Variants in NOPCHAP1 observed in about 807,000 individuals in gnomAD.
The protein encoded by NOPCHAP1 is NOP protein chaperone 1.
A neutral mutation model predicts 14.0 loss-of-function variants in NOPCHAP1; 13 were observed. That is an observed-to-expected ratio of 0.93 (90% confidence interval 0.60 to 1.47). The LOEUF (loss-of-function observed/expected upper bound fraction) is 1.47. Among genes scored for constraint, NOPCHAP1 ranks in the 40% most tolerant of loss-of-function variants. The pLI is 0.00. For synonymous variants in NOPCHAP1, 78 were observed against 78.4 expected (o/e 1.00, Z 0.03); for missense variants, 230 against 226.9 (o/e 1.01, Z -0.09).
chr12:104,999,239 C>T lies in NOPCHAP1; in HGVS notation c.*4543C>T, dbSNP rs55802539. The T allele has an allele frequency of 0.018, 2,762 of 152,656 alleles. 84 individuals carry two copies. The highest frequency in any genetic ancestry group is 0.062 in the African/African-American group (2,573 of 41,506). The allele number at this position is 152,656 out of a possible 1,614,324, so 9.5% of individuals were successfully genotyped here. ...GGCAAAGTGATTCGGGGGTTGGCTG[C>T]ATGCCAGCGTCTGCAGGCAAGGTGC... On this transcript the variant is annotated 3_prime_UTR_variant, in exon 4 of 4. Transcript: ENST00000552951.
rs1185674935 is a variant in NOPCHAP1 at position 105,002,371 on chromosome 12, T to C, written c.*7675T>C. The C allele has an allele frequency of 1.3e-5, 2 of 152,230 alleles. No homozygotes were observed. The highest frequency in any genetic ancestry group is 4.8e-5 in the African/African-American group (2 of 41,460). 9.4% of individuals were successfully genotyped at this position (152,230 alleles called of 1,614,324 possible). ...TGTGTTTTTTATTCAGGTTACTAAG[T>C]TCAGGATGAGCTCCATTTACAAATA... On this transcript the variant is annotated 3_prime_UTR_variant, in exon 4 of 4. Transcript: ENST00000552951.
rs747796374 is a variant in NOPCHAP1 at position 105,010,514 on chromosome 12, C to G, written c.*15818C>G. The G allele has an allele frequency of 6.6e-6, 1 of 152,126 alleles. No homozygotes were observed. The highest frequency in any genetic ancestry group is 1.5e-5 in the Non-Finnish European group (1 of 68,034). The allele number at this position is 152,126 out of a possible 1,614,324, so 9.4% of individuals were successfully genotyped here. ...GATCTTAGTTATTTCTTGTCTTCTG[C>G]TAGCTTTTGAATTTGCTTGCTCTCG... On this transcript the variant is annotated 3_prime_UTR_variant, in exon 4 of 4. Coordinates refer to ENST00000552951, the MANE Select transcript of NOPCHAP1 (RefSeq NM_152318.3).
rs755952301 is a variant in NOPCHAP1 at position 104,994,580 on chromosome 12, G to A, written c.442G>A (p.Glu148Lys). Residue 148 changes from glutamate (E) to lysine (K), a missense_variant, in exon 4 of 4, where the codon GAA (glutamate) becomes AAA (lysine). By Grantham distance (56) the Glu-to-Lys change is moderately conservative. Coordinates refer to ENST00000552951, the MANE Select transcript of NOPCHAP1 (RefSeq NM_152318.3). ...AGAGAACAGTTCAGAATCAGAAGACGAAGATGACAGCATCCCATCTGAAGT... is the reference window on the plus strand; with the variant it reads ...AGAGAACAGTTCAGAATCAGAAGACAAAGATGACAGCATCCCATCTGAAGT... ...SSENSSESED[E>K]DDSIPSEVTI... is the part of the protein sequence containing the mutation. 1.5e-5 allele frequency: 24 copies of A among 1,612,724 alleles called. No homozygotes were observed. Among genetic ancestry groups the A allele is most frequent in the Admixed American group, 5.0e-5 (3 of 59,842 alleles).
At chr12:104,989,258 T>C (rs912035341) in intron 2 of NOPCHAP1, among the ~76,000 whole-genome samples, 4 of 152,210 alleles carry the variant, frequency 2.6e-5, no homozygotes, top group African/African-American at 9.6e-5. Flanking sequence ...CTTAAACACA[T>C]TTAAAAAATC....
Position 104,986,526 on chromosome 12 carries a change from G to A in NOPCHAP1, c.115+59G>A, listed in dbSNP as rs558179493. The A allele has an allele frequency of 7.0e-5, 99 of 1,424,320 alleles. 1 individual carries two copies. The Middle Eastern group carries it at 7.3e-4, about 10-fold the overall frequency. The allele number at this position is 1,424,320 out of a possible 1,614,324, so 88.2% of individuals were successfully genotyped here. A position where few individuals can be genotyped will look rare whatever the true frequency, so the allele number is the denominator to read the frequency against. ...ACGTGCGGCAGAGGAGGCGCGGCCG[G>A]TGCAGTTTGGGAGCCGGCCGGTGGC... On this transcript the variant is annotated intron_variant, in intron 1 of 3. Coordinates refer to ENST00000552951, the MANE Select transcript of NOPCHAP1 (RefSeq NM_152318.3).
In NOPCHAP1 at chr12:105,008,271, C is replaced by T. The variant is rs913206468; in HGVS notation, c.*13575C>T. ...ATGAGCTTTTTTCATGTTTGTTGGC[C>T]GCATAAATGTCTTCTTTTGAGAAGT... On this transcript the variant is annotated 3_prime_UTR_variant, in exon 4 of 4. Transcript: ENST00000552951. 9 of 152,112 alleles carry T rather than the reference C, an allele frequency of 5.9e-5. No individual in the cohort carries two copies. The highest frequency in any genetic ancestry group is 1.9e-4 in the African/African-American group (8 of 41,414). The allele number at this position is 152,112 out of a possible 1,614,324, so 9.4% of individuals were successfully genotyped here.
rs1451903186 is a variant in NOPCHAP1 at position 104,996,676 on chromosome 12, T to C, written c.*1980T>C. ...TGATCATCTGTGTTAGCTTTCTGCC[T>C]TGATGATCTGCCTAATACTGTCAGT... is the stretch of plus-strand genomic sequence containing the variant. On this transcript the variant is annotated 3_prime_UTR_variant, in exon 4 of 4. Transcript: ENST00000552951. The C allele has an allele frequency of 6.6e-6, 1 of 152,224 alleles. No homozygotes were observed. The highest frequency in any genetic ancestry group is 6.5e-5 in the Admixed American group (1 of 15,282). The allele number at this position is 152,224 out of a possible 1,614,324, so 9.4% of individuals were successfully genotyped here. A position where few individuals can be genotyped will look rare whatever the true frequency, so the allele number is the denominator to read the frequency against.
At position 104,994,892 on chromosome 12, in the gene NOPCHAP1, G is replaced by A. The variant is rs1184799983; in HGVS notation, c.*196G>A. On this transcript the variant is annotated 3_prime_UTR_variant, in exon 4 of 4. Transcript: ENST00000552951. Reference sequence around the variant, plus strand: ...AGTTAGGTAGCATTGTAAACTGAAAGGGGTTCAGAGACCTCCGCTCTACAG... The same window carrying A: ...AGTTAGGTAGCATTGTAAACTGAAAAGGGTTCAGAGACCTCCGCTCTACAG... 22 of 566,066 alleles carry A rather than the reference G, an allele frequency of 3.9e-5. No homozygotes were observed. Among genetic ancestry groups the A allele is most frequent in the Non-Finnish European group, 6.8e-5 (22 of 322,738 alleles). The allele number at this position is 566,066 out of a possible 1,614,324, so 35.1% of individuals were successfully genotyped here.
In NOPCHAP1 at chr12:105,012,051, G is replaced by A. The variant is rs1360879936; in HGVS notation, c.*17355G>A. ...AATGTTGGCCTGTCTTGCTAGGTTG[G>A]GGAAGTTCTCGTGGATAATATCCTG... is the stretch of plus-strand genomic sequence containing the variant. On this transcript the variant is annotated 3_prime_UTR_variant, in exon 4 of 4. Transcript: ENST00000552951. 1 of 152,112 alleles carries A rather than the reference G, an allele frequency of 6.6e-6. No individual in the cohort carries two copies. The highest frequency in any genetic ancestry group is 1.5e-5 in the Non-Finnish European group (1 of 68,030). 9.4% of individuals were successfully genotyped at this position (152,112 alleles called of 1,614,324 possible).
intron 3 of NOPCHAP1, among the ~76,000 whole-genome samples, chr12:104,993,009 G>A (rs1220063593): frequency 1.3e-5 from 2 of 151,994 alleles, no homozygotes; most frequent in African/African-American, 2.4e-5. Flanking sequence ...TCTCCCCTGC[G>A]GTTTTCTCAG....
At position 104,995,847 on chromosome 12, in the gene NOPCHAP1, A is replaced by ATTT. The variant is rs774796821; in HGVS notation, c.*1163_*1165dup. ...AGGCGCCCACCACCATGCCCGGCTA[A>ATTT]TTTTTTTTTTTTTTGTATTTTTAGT... On this transcript the variant is annotated 3_prime_UTR_variant, in exon 4 of 4. Transcript: ENST00000552951. The ATTT allele has an allele frequency of 1.4e-5, 2 of 143,442 alleles. No individual in the cohort carries two copies. The highest frequency in any genetic ancestry group is 2.6e-5 in the African/African-American group (1 of 39,012). The allele number at this position is 143,442 out of a possible 1,614,324, so 8.9% of individuals were successfully genotyped here.
chr12:105,010,065 T>G lies in NOPCHAP1; in HGVS notation c.*15369T>G, dbSNP rs1350211475. 6.6e-6 allele frequency: 1 copy of G among 152,238 alleles called. No homozygotes were observed. The highest frequency in any genetic ancestry group is 1.5e-5 in the Non-Finnish European group (1 of 68,026). 9.4% of individuals were successfully genotyped at this position (152,238 alleles called of 1,614,324 possible). ...TACCAGCTCCTTTTTGTATCTCTGA[T>G]AGAATTCTGCTGTGAATCCTTCAGG... On this transcript the variant is annotated 3_prime_UTR_variant, in exon 4 of 4. Transcript: ENST00000552951.
intron 3 of NOPCHAP1, among the ~76,000 whole-genome samples, chr12:104,992,154 T>C (rs2136026518): frequency 6.6e-6 from 1 of 152,354 alleles, no homozygotes. Flanking sequence ...TTATTGAGTA[T>C]GCAAAAATAA....
chr12:104,991,630 C>A, intron 2 of NOPCHAP1, 82 bp from the exon 3 acceptor site: 1 of 1,336,306 alleles, frequency 7.5e-7, no homozygotes, highest in South Asian at 1.5e-5. Flanking sequence ...TATTAATACT[C>A]AATTCAGAAG....
Position 105,007,158 on chromosome 12 carries a change from A to G in NOPCHAP1, c.*12462A>G, listed in dbSNP as rs1592751977. 4 of 152,086 alleles carry G rather than the reference A, an allele frequency of 2.6e-5. No homozygotes were observed. The East Asian group carries it at 7.7e-4, about 29-fold the overall frequency. 9.4% of individuals were successfully genotyped at this position (152,086 alleles called of 1,614,324 possible). ...CATTTAATAACTTCCCTGTTTTTCA[A>G]ATCATATGAGAGTCTGTAGCCTTTT... On this transcript the variant is annotated 3_prime_UTR_variant, in exon 4 of 4. Coordinates refer to ENST00000552951, the MANE Select transcript of NOPCHAP1 (RefSeq NM_152318.3).
rs993514783 is a variant in NOPCHAP1, at chr12:105,012,446, C to T, written c.*17750C>T. On this transcript the variant is annotated 3_prime_UTR_variant, in exon 4 of 4. Transcript: ENST00000552951. Reference sequence around the variant, plus strand: ...TGGGTTAGAACATGCTCCTTTAGCTCGGAGGAATTTGTTATTATCTGCCTT... The same window carrying T: ...TGGGTTAGAACATGCTCCTTTAGCTTGGAGGAATTTGTTATTATCTGCCTT... The T allele has an allele frequency of 2.6e-5, 4 of 152,106 alleles. No individual in the cohort carries two copies. Among genetic ancestry groups the T allele is most frequent in the East Asian group, 1.9e-4 (1 of 5,196 alleles). The allele number at this position is 152,106 out of a possible 1,614,324, so 9.4% of individuals were successfully genotyped here.
At chr12:104,986,643 G>A (rs1022050106) in intron 1 of NOPCHAP1, among the ~76,000 whole-genome samples, 176 bp downstream of exon 1, 13 of 152,166 alleles carry the variant, frequency 8.5e-5, no homozygotes, top group Non-Finnish European at 2.9e-5. Flanking sequence ...GGGGGCTTTG[G>A]GGCGGGCACC....
At chr12:104,991,458 T>G (rs868868104) in intron 2 of NOPCHAP1, among the ~76,000 whole-genome samples, 6 of 152,328 alleles carry the variant, frequency 3.9e-5, no homozygotes, top group Middle Eastern at 3.4e-3. Flanking sequence ...TACTATTTGT[T>G]GAATGCCAGC....
chr12:104,986,538 A>T, intron 1 of NOPCHAP1, 71 bp downstream of exon 1: 3 of 1,317,394 alleles, frequency 2.3e-6, no homozygotes, highest in Non-Finnish European at 3.1e-6. Context: ...GCAGTTTGGG[A>T]GCCGGCCGGT....
Sources: allele counts gnomAD v4.1 joint callset (sites outside exome capture counted in the v4.1 genomes callset), GRCh38; gene constraint gnomAD v4.1.1; transcripts MANE v1.5; gene names NCBI Gene and HGNC (gene_info 2026-07-23, HGNC 2026-07-21).